The following CHSY3 variants were observed in gnomAD, a reference collection of about 807,000 sequenced individuals.
CHSY3 encodes N-acetylgalactosaminyl-proteoglycan 3-beta-glucuronosyltransferase 3.
A neutral mutation model predicts 67.2 loss-of-function variants in CHSY3; 35 were observed. The observed-to-expected ratio is 0.52, with a 90% CI of 0.40 to 0.69. The LOEUF is 0.69. CHSY3 is among the 30% of genes least tolerant of loss of function. The pLI, the probability that CHSY3 is intolerant of heterozygous loss-of-function variation, is 0.00. For missense variants in CHSY3, 1,069 were observed against 1,138.5 expected, an observed-to-expected ratio of 0.94 and a Z score of 0.88; for synonymous variants, 474 against 434.7, an observed-to-expected ratio of 1.09 and a Z score of -1.12.
rs188028064 is a variant in CHSY3 at position 130,162,646 on chromosome 5, C to T, written c.1087-21583C>T. On this transcript the variant is annotated intron_variant, in intron 2 of 2. Coordinates refer to ENST00000305031, the MANE Select transcript of CHSY3 (RefSeq NM_175856.5). Reference sequence around the variant, plus strand: ...AACTTCTGGGCTCAAGAGATTCTCCCGCCTCAGTCTCCTGTGTAGCTAGGA... The same window carrying T: ...AACTTCTGGGCTCAAGAGATTCTCCTGCCTCAGTCTCCTGTGTAGCTAGGA... Among the ~76,000 whole-genome samples the T allele has an allele frequency of 7.2e-5, 11 of 152,164 alleles. No homozygotes were observed. In the East Asian group the frequency reaches 1.9e-3, roughly 27 times the overall value.
At chr5:129,999,907 G>A (rs1763669214) in intron 2 of CHSY3, among the ~76,000 whole-genome samples, 2 of 151,806 alleles carry the variant, frequency 1.3e-5, no homozygotes, top group African/African-American at 4.8e-5. Context: ...GATACCACAG[G>A]CATACTAGAA....
chr5:130,026,639 C>A (rs1273542304), intron 2 of CHSY3, among the ~76,000 whole-genome samples: 1 of 152,000 alleles, frequency 6.6e-6, no homozygotes, highest in Non-Finnish European at 1.5e-5. Context: ...GATCTTACTG[C>A]CCTTAAAATT....
At chr5:129,996,042 G>A (rs1763529276) in intron 2 of CHSY3, among the ~76,000 whole-genome samples, 2 of 152,044 alleles carry the variant, frequency 1.3e-5, no homozygotes, top group Non-Finnish European at 2.9e-5. Context: ...GCCTGGTTCT[G>A]TCATTTGCCA....
chr5:130,100,971 A>G (rs1767224113), intron 2 of CHSY3, among the ~76,000 whole-genome samples: 1 of 152,204 alleles, frequency 6.6e-6, no homozygotes, highest in Admixed American at 6.5e-5. Flanking sequence ...CAAGTATAAT[A>G]AGTTTCTCCA....
intron 2 of CHSY3, among the ~76,000 whole-genome samples, chr5:130,167,901 C>T (rs931610165): frequency 1.2e-4 from 18 of 152,020 alleles, no homozygotes; most frequent in Non-Finnish European, 1.9e-4. Flanking sequence ...TAGGAGCTCT[C>T]CTTTTCCTAG....
At chr5:130,072,700 G>C (rs1475211696) in intron 2 of CHSY3, among the ~76,000 whole-genome samples, 1 of 152,098 alleles carries the variant, frequency 6.6e-6, no homozygotes, top group African/African-American at 2.4e-5. Context: ...ATGAAAAAAT[G>C]GCACTGGAAT....
Position 130,167,642 on chromosome 5 carries a change from T to C in CHSY3, c.1087-16587T>C, listed in dbSNP as rs185158151. 6.3e-3 allele frequency among the ~76,000 whole-genome samples: 960 copies of C among 152,226 alleles called. 10 individuals carry two copies. Among genetic ancestry groups the C allele is most frequent in the African/African-American group, 0.022 (921 of 41,560 alleles). ...GAAACTGATCTAAAAGTATAAGCCCTTTCTTACTTTACAATATATAATACA... is the reference window on the plus strand; with the variant it reads ...GAAACTGATCTAAAAGTATAAGCCCCTTCTTACTTTACAATATATAATACA... On this transcript the variant is annotated intron_variant, in intron 2 of 2. Transcript: ENST00000305031.
At chr5:130,059,601 T>A (rs1380386361) in intron 2 of CHSY3, among the ~76,000 whole-genome samples, 1 of 152,100 alleles carries the variant, frequency 6.6e-6, no homozygotes, top group Non-Finnish European at 1.5e-5. Flanking sequence ...TCTTTATCTA[T>A]CTGAAAAACC....
intron 2 of CHSY3, among the ~76,000 whole-genome samples, chr5:130,047,947 T>A (rs1765205104): frequency 6.6e-6 from 1 of 151,704 alleles, no homozygotes; most frequent in Non-Finnish European, 1.5e-5. Context: ...TATCAACCTT[T>A]TTTTTCCTTT....
intron 2 of CHSY3, among the ~76,000 whole-genome samples, chr5:130,100,764 T>C (rs1314443881): frequency 6.6e-6 from 1 of 152,210 alleles, no homozygotes; most frequent in Non-Finnish European, 1.5e-5. Flanking sequence ...AAATGAGGCT[T>C]AAAGAAGGTA....
At chr5:130,174,997 C>T (rs1247386078) in intron 2 of CHSY3, among the ~76,000 whole-genome samples, 1 of 152,094 alleles carries the variant, frequency 6.6e-6, no homozygotes, top group Non-Finnish European at 1.5e-5. Flanking sequence ...GGTGTTAAGT[C>T]TCCCACTATT....
chr5:130,170,186 C>T (rs1769860776), intron 2 of CHSY3, among the ~76,000 whole-genome samples: 1 of 151,998 alleles, frequency 6.6e-6, no homozygotes, highest in Non-Finnish European at 1.5e-5. Flanking sequence ...GTCTTTATAT[C>T]CATGTGTTCC....
chr5:130,071,537 T>TTGTG (rs3065054), intron 2 of CHSY3, among the ~76,000 whole-genome samples: 6,471 of 141,810 alleles, frequency 0.046, 189 homozygotes, highest in East Asian at 0.1. Flanking sequence ...TAGTAGTTCA[T>TTGTG]TGTGTGTGTG....
In CHSY3 at chr5:130,183,922, T is replaced by C. The variant is rs1770328563; in HGVS notation, c.1087-307T>C. Among the ~76,000 whole-genome samples, 3 of 151,470 alleles carry C rather than the reference T, an allele frequency of 2.0e-5. No homozygotes were observed. In the South Asian group the frequency reaches 6.3e-4, roughly 32 times the overall value. ...AATGTTCTCACCACAATAATAACTA[T>C]GTGAGGTAATGAATACATCAATTAG... is the stretch of plus-strand genomic sequence containing the variant. On this transcript the variant is annotated intron_variant, in intron 2 of 2. Coordinates refer to ENST00000305031, the MANE Select transcript of CHSY3 (RefSeq NM_175856.5).
chr5:130,018,536 A>G (rs1764277287), intron 2 of CHSY3, among the ~76,000 whole-genome samples: 1 of 152,148 alleles, frequency 6.6e-6, no homozygotes, highest in Admixed American at 6.5e-5. Context: ...ATGCTTCTAC[A>G]TATTTTCTCA....
At position 130,135,919 on chromosome 5, in the gene CHSY3, A is replaced by T. The variant is rs549994330; in HGVS notation, c.1087-48310A>T. ...TATAACCAATAAACCAAAATTAAGAATGTTAATTTTCCTTTTGTTTTTCCA... is the reference window on the plus strand; with the variant it reads ...TATAACCAATAAACCAAAATTAAGATTGTTAATTTTCCTTTTGTTTTTCCA... On this transcript the variant is annotated intron_variant, in intron 2 of 2. Transcript: ENST00000305031. Among the ~76,000 whole-genome samples the T allele has an allele frequency of 4.6e-5, 7 of 152,350 alleles. 1 individual carries two copies. Among genetic ancestry groups the T allele is most frequent in the African/African-American group, 1.7e-4 (7 of 41,582 alleles).
chr5:130,020,454 TA>T (rs1764350094), intron 2 of CHSY3, among the ~76,000 whole-genome samples: 12 of 2,486 alleles, frequency 4.8e-3, no homozygotes, highest in African/African-American at 0.01. Context: ...TATATATATA[TA>T]TATATATTTT....
intron 2 of CHSY3, among the ~76,000 whole-genome samples, chr5:129,968,988 C>G (rs1554073410): frequency 6.6e-6 from 1 of 151,704 alleles, no homozygotes; most frequent in Non-Finnish European, 1.5e-5. Flanking sequence ...TTTTTCTGAC[C>G]TTTTAGCTAG....
chr5:129,929,374 C>T lies in CHSY3; in HGVS notation c.1086+21014C>T, dbSNP rs138538104. Among the ~76,000 whole-genome samples, 655 of 152,242 alleles carry T rather than the reference C, an allele frequency of 4.3e-3. 4 individuals are homozygous for T. The highest frequency in any genetic ancestry group is 0.015 in the African/African-American group (626 of 41,544). On this transcript the variant is annotated intron_variant, in intron 2 of 2. Coordinates refer to ENST00000305031, the MANE Select transcript of CHSY3 (RefSeq NM_175856.5). ...ACAGAAAATTGTATCTTTTACTGTG[C>T]CTCAGGGCAAGAATAAAAATATAGG... is the stretch of plus-strand genomic sequence containing the variant.
Sources: allele counts gnomAD v4.1 joint callset (sites outside exome capture counted in the v4.1 genomes callset), GRCh38; gene constraint gnomAD v4.1.1; transcripts MANE v1.5; gene names NCBI Gene and HGNC (gene_info 2026-07-23, HGNC 2026-07-21).